PRKACB: variants seen among roughly 807,000 people sequenced by gnomAD.
PRKACB encodes cAMP-dependent protein kinase catalytic subunit beta.
Under a neutral mutation model 51.4 loss-of-function variants are expected in PRKACB, and 16 were observed. The ratio of observed to expected loss-of-function variants is 0.31; its 90% CI spans 0.21 to 0.47. The LOEUF (loss-of-function observed/expected upper bound fraction) is 0.47. Among genes scored for constraint, PRKACB ranks in the 20% least tolerant of loss-of-function variants. PRKACB has a pLI of 1.00. For missense variants in PRKACB, 309 were observed against 464.5 expected, an observed-to-expected ratio of 0.67 and a Z score of 3.08; for synonymous variants, 147 against 154.4, an observed-to-expected ratio of 0.95 and a Z score of 0.35.
chr1:84,165,069 AG>A, intron 1 of PRKACB: 1 of 1,329,078 alleles, frequency 7.5e-7, no homozygotes, highest in South Asian at 1.4e-5. Flanking sequence ...TATTTATAAG[AG>A]GAAAAAATAT....
At chr1:84,134,868 T>A (rs1222793315) in intron 1 of PRKACB, among the ~76,000 whole-genome samples, 4 of 152,224 alleles carry the variant, frequency 2.6e-5, no homozygotes, top group African/African-American at 9.6e-5. Flanking sequence ...TTCATTTTCC[T>A]TGTCCATATT....
At chr1:84,209,142 A>G (rs1009920083) in intron 8 of PRKACB, among the ~76,000 whole-genome samples, 2 of 152,022 alleles carry the variant, frequency 1.3e-5, no homozygotes, top group Non-Finnish European at 2.9e-5. Context: ...ATTCCCTCTC[A>G]ATCTCCTTGG....
At chr1:84,089,583 G>A (rs557742138) in intron 1 of PRKACB, among the ~76,000 whole-genome samples, 2 of 152,104 alleles carry the variant, frequency 1.3e-5, no homozygotes, top group South Asian at 4.2e-4. Flanking sequence ...TTGGCATCTG[G>A]CCCACAATGT....
chr1:84,080,246 A>G (rs1647417721), intron 1 of PRKACB, among the ~76,000 whole-genome samples: 1 of 152,180 alleles, frequency 6.6e-6, no homozygotes, highest in South Asian at 2.1e-4. Flanking sequence ...TTATTAAGTT[A>G]CCAAAACAAT....
intron 9 of PRKACB, among the ~76,000 whole-genome samples, chr1:84,220,179 A>T (rs931063996): frequency 2.2e-4 from 33 of 152,190 alleles, no homozygotes; most frequent in South Asian, 2.1e-3. Context: ...CTTCTTGGTC[A>T]AATTTATTCC....
chr1:84,230,604 T>A (rs1207741505), intron 9 of PRKACB, among the ~76,000 whole-genome samples: 1 of 151,856 alleles, frequency 6.6e-6, no homozygotes, highest in African/African-American at 2.4e-5. Flanking sequence ...TTCTTTTATT[T>A]CCTTGAGCAG....
intron 1 of PRKACB, among the ~76,000 whole-genome samples, chr1:84,084,215 C>A (rs7546270): frequency 0.96 from 146,419 of 152,190 alleles, 70,516 homozygotes; most frequent in East Asian, 1. Flanking sequence ...CTGAGTAGAC[C>A]GAGCATTGAT....
chr1:84,118,107 T>C (rs909283817), intron 1 of PRKACB, among the ~76,000 whole-genome samples: 3 of 152,180 alleles, frequency 2.0e-5, no homozygotes, highest in African/African-American at 7.2e-5. Context: ...TACTGAGGTT[T>C]AGTTCACAGC....
At chr1:84,164,806 T>G in intron 1 of PRKACB, 3 of 1,383,688 alleles carry the variant, frequency 2.2e-6, no homozygotes, top group Non-Finnish European at 2.8e-6. Context: ...ACTAGTGATA[T>G]CTCATGCTAG....
At chr1:84,122,655 T>A (rs1651179657) in intron 1 of PRKACB, among the ~76,000 whole-genome samples, 1 of 152,200 alleles carries the variant, frequency 6.6e-6, no homozygotes, top group South Asian at 2.1e-4. Flanking sequence ...AATGTGACGT[T>A]TACTAGTATT....
At position 84,235,308 on chromosome 1, in the gene PRKACB, A is replaced by G. The variant is rs1460716808; in HGVS notation, c.*3A>G. 6.2e-7 allele frequency: 1 copy of G among 1,614,046 alleles called. No individual in the cohort carries two copies. Among genetic ancestry groups the G allele is most frequent in the East Asian group, 2.2e-5 (1 of 44,872 alleles). ...CAAAAGAATTTGGTGAATTTTAAAG[A>G]GGAACAAGATGACATCTGAGCTCAC... On this transcript the variant is annotated 3_prime_UTR_variant, in exon 10 of 10. Coordinates refer to ENST00000370685, the MANE Select transcript of PRKACB (RefSeq NM_182948.4).
intron 7 of PRKACB, among the ~76,000 whole-genome samples, chr1:84,198,359 A>G (rs1013404203): frequency 3.3e-5 from 5 of 152,152 alleles, no homozygotes; most frequent in African/African-American, 1.2e-4. Context: ...TATATCCAAA[A>G]GAATGGTTAA....
chr1:84,116,353 T>G (rs1270175535), intron 1 of PRKACB, among the ~76,000 whole-genome samples: 1 of 152,196 alleles, frequency 6.6e-6, no homozygotes, highest in African/African-American at 2.4e-5. Flanking sequence ...ACATGAATTT[T>G]AGAATTATTT....
At chr1:84,226,849 A>G (rs537769926) in intron 9 of PRKACB, among the ~76,000 whole-genome samples, 1 of 152,280 alleles carries the variant, frequency 6.6e-6, no homozygotes, top group Non-Finnish European at 1.5e-5. Flanking sequence ...GTTGCCTTTC[A>G]TGTTTTACCA....
intron 9 of PRKACB, among the ~76,000 whole-genome samples, chr1:84,226,130 T>C (rs1377786773): frequency 6.6e-6 from 1 of 152,192 alleles, no homozygotes; most frequent in Non-Finnish European, 1.5e-5. Context: ...TGTTTACCCT[T>C]TCCAAATGTT....
At chr1:84,107,594 C>T (rs1484600894) in intron 1 of PRKACB, among the ~76,000 whole-genome samples, 2 of 151,892 alleles carry the variant, frequency 1.3e-5, no homozygotes, top group Non-Finnish European at 2.9e-5. Flanking sequence ...TATAGTTAGT[C>T]TGGGTCTAAT....
intron 1 of PRKACB, among the ~76,000 whole-genome samples, chr1:84,171,143 G>GTT (rs1158707313): frequency 1.5e-4 from 22 of 151,552 alleles, no homozygotes; most frequent in African/African-American, 5.3e-4. Flanking sequence ...AATTTAAGGT[G>GTT]TAACTATGTA....
chr1:84,225,912 T>G (rs1178912275), intron 9 of PRKACB, among the ~76,000 whole-genome samples: 18 of 152,216 alleles, frequency 1.2e-4, no homozygotes, highest in Non-Finnish European at 2.9e-5. Context: ...TAAATTTCAG[T>G]GTTCTCTCTT....
At chr1:84,149,705 T>C (rs1654590274) in intron 1 of PRKACB, among the ~76,000 whole-genome samples, 1 of 152,208 alleles carries the variant, frequency 6.6e-6, no homozygotes, top group African/African-American at 2.4e-5. Context: ...TAGGCTGTTT[T>C]TAATGTTTTG....
Sources: allele counts gnomAD v4.1 joint callset (sites outside exome capture counted in the v4.1 genomes callset), GRCh38; gene constraint gnomAD v4.1.1; transcripts MANE v1.5; gene names NCBI Gene and HGNC (gene_info 2026-07-23, HGNC 2026-07-21).